Variants in ZC2HC1B observed in about 807,000 individuals in gnomAD.
The protein encoded by ZC2HC1B is zinc finger C2HC domain-containing protein 1B.
A neutral mutation model predicts 31.0 loss-of-function variants in ZC2HC1B; 36 were observed. That is an observed-to-expected ratio of 1.16 (90% confidence interval 0.89 to 1.54). The LOEUF is 1.54. ZC2HC1B is among the 40% of genes most tolerant of loss of function. The pLI is 0.00. For synonymous variants in ZC2HC1B, 73 were observed against 88.0 expected, an observed-to-expected ratio of 0.83 and a Z score of 0.95; for missense variants, 260 against 268.6, an observed-to-expected ratio of 0.97 and a Z score of 0.22.
At position 143,884,475 on chromosome 6, in the gene ZC2HC1B, G is replaced by A. The variant is rs374684130; in HGVS notation, c.90+110G>A. On this transcript the variant is annotated intron_variant, in intron 2 of 7. Transcript: ENST00000237275. This position sits in a 1 kb window ranked among gnomAD's most constrained non-coding sequence, Gnocchi z 5.1. ...AAAGACAGATGTGGAGGGGAAGCAAGGGAAGAGGAAAAGTACATAACCTAT... is the reference window on the plus strand; with the variant it reads ...AAAGACAGATGTGGAGGGGAAGCAAAGGAAGAGGAAAAGTACATAACCTAT... The A allele has an allele frequency of 1.7e-4, 176 of 1,042,908 alleles. 3 individuals carry two copies. In the South Asian group the frequency reaches 3.0e-3, roughly 18 times the overall value. 64.6% of individuals were successfully genotyped at this position (1,042,908 alleles called of 1,614,324 possible).
intron 1 of ZC2HC1B, among the ~76,000 whole-genome samples, chr6:143,875,663 CAT>C (rs1777398948): frequency 6.6e-6 from 1 of 150,578 alleles, no homozygotes; most frequent in African/African-American, 2.5e-5. Context: ...CGCACCTCCT[CAT>C]GGGTCACATT....
At chr6:143,878,303 T>C (rs1298297696) in intron 1 of ZC2HC1B, among the ~76,000 whole-genome samples, 2 of 150,650 alleles carry the variant, frequency 1.3e-5, no homozygotes, top group Non-Finnish European at 3.0e-5. Context: ...TTTTCTTTGG[T>C]GATTTCACTG....
In ZC2HC1B at chr6:143,917,493, G is replaced by C. The variant is rs2128496597; in HGVS notation, c.598+14341G>C. 6.6e-6 allele frequency among the ~76,000 whole-genome samples: 1 copy of C among 152,234 alleles called. No individual in the cohort carries two copies. ...TCCTAATGTTATCACATTCTCATTT[G>C]AATTTATTCCAGCTTATCTTCATAA... On this transcript the variant is annotated intron_variant, in intron 6 of 7. Transcript: ENST00000237275. The surrounding 1 kb of genome is among the most constrained non-coding windows in gnomAD (Gnocchi z 4.1).
At chr6:143,875,179 C>T (rs866174613) in intron 1 of ZC2HC1B, among the ~76,000 whole-genome samples, 46 of 152,124 alleles carry the variant, frequency 3.0e-4, no homozygotes, top group African/African-American at 1.0e-3. Flanking sequence ...GACTGTGTAT[C>T]CCACTGTTAG....
At chr6:143,919,958 T>A (rs1327829549) in intron 6 of ZC2HC1B, among the ~76,000 whole-genome samples, 1 of 152,252 alleles carries the variant, frequency 6.6e-6, no homozygotes, top group Admixed American at 6.5e-5. Flanking sequence ...TTTTCCTCAT[T>A]TGGGAAAAAC....
Position 143,874,170 on chromosome 6 carries a change from C to T in ZC2HC1B, c.28+9603C>T, listed in dbSNP as rs529103445. 1.4e-3 allele frequency among the ~76,000 whole-genome samples: 217 copies of T among 152,164 alleles called. 4 individuals are homozygous for T. The highest frequency in any genetic ancestry group is 5.0e-3 in the African/African-American group (209 of 41,412). On this transcript the variant is annotated intron_variant, in intron 1 of 7. Transcript: ENST00000237275. ...TCTCTAGGGCGGGGCGAAATGCCAT[C>T]AGTCTCTTTGATAAAAAATAACAAG...
At chr6:143,901,721 C>T (rs758277903) in intron 5 of ZC2HC1B, among the ~76,000 whole-genome samples, 73 of 152,258 alleles carry the variant, frequency 4.8e-4, no homozygotes, top group Middle Eastern at 3.4e-3. Context: ...GTCTTGCACA[C>T]AGGGGCTCCT....
chr6:143,907,123 A>G (rs1007896063), intron 6 of ZC2HC1B, among the ~76,000 whole-genome samples: 1 of 152,084 alleles, frequency 6.6e-6, no homozygotes, highest in African/African-American at 2.4e-5. Context: ...ATTCCTTTTT[A>G]TGGCTGTATG....
rs572695322 is a variant in ZC2HC1B at position 143,878,432 on chromosome 6, C to T, written c.29-5872C>T. On this transcript the variant is annotated intron_variant, in intron 1 of 7. Transcript: ENST00000237275. ...GGCAGAGGTTGCAGTGTGCCAAGAT[C>T]GCACCACTGTACTCCAGCCTGGGTG... Among the ~76,000 whole-genome samples the T allele has an allele frequency of 2.5e-4, 37 of 150,580 alleles. 5 individuals are homozygous for T. Among genetic ancestry groups the T allele is most frequent in the African/African-American group, 8.6e-4 (35 of 40,866 alleles).
At chr6:143,873,463 A>T (rs1239457685) in intron 1 of ZC2HC1B, among the ~76,000 whole-genome samples, 1 of 151,922 alleles carries the variant, frequency 6.6e-6, no homozygotes, top group Non-Finnish European at 1.5e-5. Flanking sequence ...TCCACCAGGG[A>T]CTCTGTGTGG....
At chr6:143,878,615 A>G (rs1354278266) in intron 1 of ZC2HC1B, among the ~76,000 whole-genome samples, 2 of 150,678 alleles carry the variant, frequency 1.3e-5, no homozygotes, top group Non-Finnish European at 3.0e-5. Flanking sequence ...TTACAGCACT[A>G]TTGGCATGAG....
At chr6:143,904,543 G>T in intron 6 of ZC2HC1B, among the ~76,000 whole-genome samples, 1 of 152,046 alleles carries the variant, frequency 6.6e-6, no homozygotes, top group East Asian at 1.9e-4. Context: ...TAAATTTTTC[G>T]TAGAGATGAG....
intron 4 of ZC2HC1B, among the ~76,000 whole-genome samples, chr6:143,898,044 T>G (rs1645033948): frequency 6.6e-6 from 1 of 152,246 alleles, no homozygotes; most frequent in African/African-American, 2.4e-5. Context: ...TTGAAATGAA[T>G]GCACAGGTTG....
intron 6 of ZC2HC1B, among the ~76,000 whole-genome samples, chr6:143,925,165 C>CTT (rs71024879): frequency 0.014 from 1,424 of 104,002 alleles, 253 homozygotes; most frequent in South Asian, 0.021. Context: ...AATCTCATTC[C>CTT]TTTTTTTTTT....
chr6:143,933,224 A>T lies in ZC2HC1B; in HGVS notation c.599-4425A>T, dbSNP rs562076443. On this transcript the variant is annotated intron_variant, in intron 6 of 7. Transcript: ENST00000237275. The surrounding 1 kb of genome is among the most constrained non-coding windows in gnomAD (Gnocchi z 6.4). The stretch of plus-strand genomic sequence containing the variant: ...CTGCTGTTTTTTCCTTCATTAGAGC[A>T]GGGTTGTTCTGTTATGAGTTGCTAT... Among the ~76,000 whole-genome samples the T allele has an allele frequency of 2.0e-5, 3 of 152,252 alleles. No individual in the cohort carries two copies. The highest frequency in any genetic ancestry group is 7.2e-5 in the African/African-American group (3 of 41,546).
rs1777926593 is a variant in ZC2HC1B at position 143,917,016 on chromosome 6, T to C, written c.598+13864T>C. ...GGGCCAGGGACAAAATGATATAGTT[T>C]GGCTCTGTCCCTACCCAAATATCAT... On this transcript the variant is annotated intron_variant, in intron 6 of 7. Coordinates refer to ENST00000237275, the MANE Select transcript of ZC2HC1B (RefSeq NM_001013623.3). The surrounding 1 kb of genome is among the most constrained non-coding windows in gnomAD (Gnocchi z 4.1). Among the ~76,000 whole-genome samples, 1 of 152,212 alleles carries C rather than the reference T, an allele frequency of 6.6e-6. No homozygotes were observed. The highest frequency in any genetic ancestry group is 6.5e-5 in the Admixed American group (1 of 15,278).
In ZC2HC1B at chr6:143,915,875, A is replaced by G. The variant is rs1042863532; in HGVS notation, c.598+12723A>G. On this transcript the variant is annotated intron_variant, in intron 6 of 7. Coordinates refer to ENST00000237275, the MANE Select transcript of ZC2HC1B (RefSeq NM_001013623.3). This position sits in a 1 kb window ranked among gnomAD's most constrained non-coding sequence, Gnocchi z 5.2. ...AGTTTTAAAAGGGAAACTGAGCATA[A>G]AAGTTTGGAAAAGTTGCAGCCTGAC... 3.9e-5 allele frequency among the ~76,000 whole-genome samples: 6 copies of G among 152,124 alleles called. No individual in the cohort carries two copies. Among genetic ancestry groups the G allele is most frequent in the Admixed American group, 1.3e-4 (2 of 15,182 alleles).
At chr6:143,914,433 C>T (rs1044909654) in intron 6 of ZC2HC1B, among the ~76,000 whole-genome samples, 1 of 152,158 alleles carries the variant, frequency 6.6e-6, no homozygotes, top group Non-Finnish European at 1.5e-5. Flanking sequence ...TTGGAGAAGA[C>T]ACTTCATATG....
rs1777882800 is a variant in ZC2HC1B, at chr6:143,913,358, C to A, written c.598+10206C>A. On this transcript the variant is annotated intron_variant, in intron 6 of 7. Transcript: ENST00000237275. The surrounding 1 kb of genome is among the most constrained non-coding windows in gnomAD (Gnocchi z 5.7). ...CACAGGCTGGAATAGCTGAATTGAC[C>A]AAACAGCAGAGGTGTTGCCCACCAC... 6.6e-6 allele frequency among the ~76,000 whole-genome samples: 1 copy of A among 152,194 alleles called. No homozygotes were observed.
Sources: gnomAD v4.1 joint callset for allele counts (sites outside exome capture counted in the v4.1 genomes callset) on GRCh38, gnomAD v4.1.1 for gene constraint, Gnocchi (gnomAD v3.1) non-coding constraint, MANE v1.5 for transcripts, NCBI Gene and HGNC (gene_info 2026-07-23, HGNC 2026-07-21) for gene names.